KPNA3: variants seen among roughly 807,000 people sequenced by gnomAD.
KPNA3 encodes the protein karyopherin subunit alpha 3, also known as importin subunit alpha-4.
KPNA3 carries 13 observed loss-of-function variants against 73.8 expected under a neutral mutation model. The ratio of observed to expected loss-of-function variants is 0.18; its 90% CI spans 0.11 to 0.28. The LOEUF is 0.28. Among genes scored for constraint, KPNA3 ranks in the 10% least tolerant of loss-of-function variants. The pLI, the probability that KPNA3 is intolerant of heterozygous loss-of-function variation, is 1.00. For synonymous variants in KPNA3, 186 were observed against 206.9 expected (o/e 0.90, Z 0.87); for missense variants, 360 against 618.1 (o/e 0.58, Z 4.43).
chr13:49,719,477 A>C (rs1279322417), intron 10 of KPNA3, among the ~76,000 whole-genome samples: 2 of 152,122 alleles, frequency 1.3e-5, no homozygotes, highest in Non-Finnish European at 2.9e-5. Flanking sequence ...TTAAAAAGTA[A>C]GGTGTTTCAT....
intron 1 of KPNA3, among the ~76,000 whole-genome samples, chr13:49,757,805 C>T (rs530225797): frequency 1.1e-4 from 16 of 152,250 alleles, no homozygotes; most frequent in Admixed American, 1.0e-3. Context: ...GTGGTACATC[C>T]ATACCATGGA....
intron 1 of KPNA3, among the ~76,000 whole-genome samples, chr13:49,766,954 C>CTTTT (rs11348363): frequency 7.5e-6 from 1 of 132,474 alleles, no homozygotes. Flanking sequence ...AATGGGATTC[C>CTTTT]TTTTTTTTTT....
chr13:49,762,436 G>A (rs1433417543), intron 1 of KPNA3, among the ~76,000 whole-genome samples: 2 of 149,448 alleles, frequency 1.3e-5, no homozygotes, highest in Non-Finnish European at 2.9e-5. Flanking sequence ...GGGGAAATGT[G>A]GGGAAAAGAT....
At chr13:49,789,563 A>G (rs1955016311) in intron 1 of KPNA3, among the ~76,000 whole-genome samples, 1 of 152,140 alleles carries the variant, frequency 6.6e-6, no homozygotes, top group South Asian at 2.1e-4. Context: ...CTATATGTGA[A>G]AAAATAGGCA....
rs143847411 is a variant in KPNA3, at chr13:49,764,118, GTTTGTTTTGT to G, written c.70-17135_70-17126del. 8.3e-4 allele frequency among the ~76,000 whole-genome samples: 122 copies of G among 146,784 alleles called. 1 individual carries two copies. The highest frequency in any genetic ancestry group is 1.1e-3 in the South Asian group (5 of 4,684). On this transcript the variant is annotated intron_variant, in intron 1 of 16. Coordinates refer to ENST00000261667, the MANE Select transcript of KPNA3 (RefSeq NM_002267.4). ...AGTTTGTCAGTTTTTAGTCTGTTGG[GTTTGTTTTGT>G]TTTGTTTTGTTTTGTTTTTTTGAGA...
At chr13:49,785,244 T>G (rs1227710465) in intron 1 of KPNA3, among the ~76,000 whole-genome samples, 1 of 152,106 alleles carries the variant, frequency 6.6e-6, no homozygotes, top group Non-Finnish European at 1.5e-5. Flanking sequence ...GAGATAGTTT[T>G]TAAACAGGAA....
At chr13:49,788,850 C>G (rs1027626063) in intron 1 of KPNA3, among the ~76,000 whole-genome samples, 3 of 150,962 alleles carry the variant, frequency 2.0e-5, no homozygotes, top group Non-Finnish European at 2.9e-5. Context: ...AAATTTCTAT[C>G]AGTGATGATA....
chr13:49,781,674 C>T (rs138777464), intron 1 of KPNA3, among the ~76,000 whole-genome samples: 42 of 152,284 alleles, frequency 2.8e-4, no homozygotes, highest in African/African-American at 1.0e-3. Flanking sequence ...ATCCCGAGAA[C>T]TCATTATTTT....
At position 49,722,072 on chromosome 13, in the gene KPNA3, A is replaced by G; in HGVS notation, c.609T>C (p.Pro203=). 1 of 1,610,714 alleles carries G rather than the reference A, an allele frequency of 6.2e-7. No homozygotes were observed. The highest frequency in any genetic ancestry group is 8.5e-7 in the Non-Finnish European group (1 of 1,178,130). Residue 203 remains proline, a synonymous_variant, in exon 9 of 17, where the codon CCT becomes CCC. Transcript: ENST00000261667. Reference sequence around the variant, plus strand: ...TGGAGGGACTGATGAAGGACAGAAGAGGTTTGACAACTCCCAGTGATATGA... The same window carrying G: ...TGGAGGGACTGATGAAGGACAGAAGGGGTTTGACAACTCCCAGTGATATGA... ...DYVISLGVVK[P]LLSFISPSIP... is the part of the protein sequence containing the mutation.
At chr13:49,736,589 CA>C (rs1217164443) in intron 2 of KPNA3, among the ~76,000 whole-genome samples, 2 of 152,148 alleles carry the variant, frequency 1.3e-5, no homozygotes, top group Non-Finnish European at 2.9e-5. Context: ...CAGGTTACCC[CA>C]AAGGTAACAC....
intron 6 of KPNA3, among the ~76,000 whole-genome samples, chr13:49,728,521 A>G (rs999749573): frequency 1.3e-5 from 2 of 152,210 alleles, no homozygotes; most frequent in African/African-American, 4.8e-5. Context: ...AAAATTTTAA[A>G]CCAGAGGGAT....
At chr13:49,702,588 T>C in intron 15 of KPNA3, 108 bp from the exon 16 acceptor site, 1 of 566,818 alleles carries the variant, frequency 1.8e-6, no homozygotes. Flanking sequence ...CAGAACACAC[T>C]GCTCCCCCAT....
intron 15 of KPNA3, among the ~76,000 whole-genome samples, chr13:49,705,163 A>G (rs763794830): frequency 6.6e-6 from 1 of 152,142 alleles, no homozygotes; most frequent in African/African-American, 2.4e-5. Context: ...GTTCGAGACC[A>G]GCCTGGCCAA....
intron 2 of KPNA3, among the ~76,000 whole-genome samples, chr13:49,735,686 T>C (rs1954515781): frequency 6.6e-6 from 1 of 152,146 alleles, no homozygotes; most frequent in African/African-American, 2.4e-5. Context: ...TAAACACACA[T>C]ATGGATTAAA....
intron 10 of KPNA3, among the ~76,000 whole-genome samples, chr13:49,717,476 T>C (rs1417263172): frequency 6.7e-6 from 1 of 149,340 alleles, no homozygotes; most frequent in African/African-American, 2.5e-5. Context: ...ACTCTGCAAA[T>C]TAACTCCTTA....
At chr13:49,711,113 A>T (rs1954256311) in intron 10 of KPNA3, 91 bp from the exon 11 acceptor site, 2 of 1,282,234 alleles carry the variant, frequency 1.6e-6, no homozygotes, top group Middle Eastern at 2.0e-4. Context: ...CAGAAAAAGT[A>T]ACCAAATTTC....
intron 6 of KPNA3, among the ~76,000 whole-genome samples, chr13:49,728,103 C>T (rs1446628823): frequency 6.6e-6 from 1 of 151,924 alleles, no homozygotes; most frequent in Non-Finnish European, 1.5e-5. Flanking sequence ...GGCGTGGTGG[C>T]AGGCACCTGT....
rs9568310 is a variant in KPNA3, at chr13:49,701,473, T to C, written c.*327A>G. On this transcript the variant is annotated 3_prime_UTR_variant, in exon 17 of 17. Transcript: ENST00000261667. ...TTCCAAAGGAGTATCAGTGGGCAGC[T>C]GACATGTCACCACTATGGAATATTT... 2.5e-5 allele frequency: 12 copies of C among 486,876 alleles called. No homozygotes were observed. The East Asian group carries it at 7.1e-4, about 29-fold the overall frequency. The allele number at this position is 486,876 out of a possible 1,614,324, so 30.2% of individuals were successfully genotyped here. A position where few individuals can be genotyped will look rare whatever the true frequency, so the allele number is the denominator to read the frequency against.
intron 2 of KPNA3, among the ~76,000 whole-genome samples, chr13:49,746,554 A>C (rs994125271): frequency 3.3e-5 from 5 of 152,232 alleles, no homozygotes; most frequent in African/African-American, 4.8e-5. Flanking sequence ...AAGAAAATAC[A>C]ATAAATTTTA....
Sources: gnomAD v4.1 joint callset for allele counts (sites outside exome capture counted in the v4.1 genomes callset) on GRCh38, gnomAD v4.1.1 for gene constraint, MANE v1.5 for transcripts, NCBI Gene and HGNC (gene_info 2026-07-23, HGNC 2026-07-21) for gene names.